ZNF385D: variants seen among roughly 807,000 people sequenced by gnomAD.
ZNF385D encodes zinc finger protein 659.
Under a neutral mutation model 35.8 loss-of-function variants are expected in ZNF385D, and 15 were observed. That is an observed-to-expected ratio of 0.42 (90% CI 0.28 to 0.64). The LOEUF (loss-of-function observed/expected upper bound fraction) is 0.64, where lower values mean the gene tolerates loss of function less well. Ranked by LOEUF, ZNF385D falls within the 30% of genes least tolerant of loss-of-function variation. The pLI, the probability that ZNF385D is intolerant of heterozygous loss-of-function variation, is 0.23. For synonymous variants in ZNF385D, 212 were observed against 186.8 expected, an observed-to-expected ratio of 1.13 and a Z score of -1.10; for missense variants, 474 against 494.6, an observed-to-expected ratio of 0.96 and a Z score of 0.39.
At chr3:21,699,633 A>G (rs991230274) in intron 1 of ZNF385D, among the ~76,000 whole-genome samples, 9 of 152,132 alleles carry the variant, frequency 5.9e-5, no homozygotes, top group Non-Finnish European at 1.0e-4. Context: ...CTTAGTATGA[A>G]AAAGGGAATA....
At chr3:21,979,253 G>C (rs570392343) in intron 3 of ZNF385D, among the ~76,000 whole-genome samples, 37 of 152,070 alleles carry the variant, frequency 2.4e-4, no homozygotes, top group Middle Eastern at 3.4e-3. Flanking sequence ...CCAAACAGAA[G>C]GGGGAAAAAA....
chr3:21,588,558 C>T (rs188055925), intron 2 of ZNF385D, among the ~76,000 whole-genome samples: 14 of 151,940 alleles, frequency 9.2e-5, no homozygotes, highest in Admixed American at 7.9e-4. Flanking sequence ...TATATAAAGA[C>T]ATTAAAGAAA....
intron 3 of ZNF385D, among the ~76,000 whole-genome samples, chr3:22,030,283 A>C (rs1435104446): frequency 2.0e-5 from 2 of 97,970 alleles, no homozygotes; most frequent in African/African-American, 8.0e-5. Flanking sequence ...ATATATATAT[A>C]TATATATATA....
At chr3:22,183,585 T>C (rs1695428772) in intron 2 of ZNF385D, among the ~76,000 whole-genome samples, 1 of 152,172 alleles carries the variant, frequency 6.6e-6, no homozygotes, top group African/African-American at 2.4e-5. Context: ...CTCAAACTCC[T>C]GACCTCGTGA....
intron 3 of ZNF385D, among the ~76,000 whole-genome samples, chr3:21,804,457 T>C (rs567666719): frequency 2.0e-4 from 30 of 152,288 alleles, no homozygotes; most frequent in African/African-American, 7.0e-4. Context: ...GTGCCTTGAC[T>C]TCTCCAGGGC....
intron 3 of ZNF385D, among the ~76,000 whole-genome samples, chr3:21,761,268 C>T (rs1327493946): frequency 6.6e-6 from 1 of 152,230 alleles, no homozygotes; most frequent in Non-Finnish European, 1.5e-5. Flanking sequence ...ATCAGCTGAG[C>T]AACTCCCAAA....
intron 2 of ZNF385D, among the ~76,000 whole-genome samples, chr3:21,594,102 G>T (rs1393374322): frequency 6.6e-6 from 1 of 152,196 alleles, no homozygotes; most frequent in Non-Finnish European, 1.5e-5. Flanking sequence ...AACTCTAGCA[G>T]ATAGGGCTCT....
chr3:22,089,629 C>A (rs552367542), intron 3 of ZNF385D, among the ~76,000 whole-genome samples: 3 of 152,266 alleles, frequency 2.0e-5, no homozygotes, highest in South Asian at 4.2e-4. Context: ...ATGGATGCAC[C>A]TTCCTCAGTG....
At chr3:22,251,333 C>A (rs1700054508) in intron 2 of ZNF385D, among the ~76,000 whole-genome samples, 1 of 152,100 alleles carries the variant, frequency 6.6e-6, no homozygotes, top group African/African-American at 2.4e-5. Flanking sequence ...CGTAAGCACT[C>A]CACCATCAGT....
chr3:21,855,863 GA>G (rs1481995199), intron 3 of ZNF385D, among the ~76,000 whole-genome samples: 1 of 144,014 alleles, frequency 6.9e-6, no homozygotes, highest in African/African-American at 2.5e-5. Context: ...AATATCCTAT[GA>G]TTTTTTTTTT....
intron 1 of ZNF385D, 140 bp downstream of exon 1, chr3:21,750,755 C>T (rs1224711107): frequency 5.1e-6 from 5 of 979,838 alleles, no homozygotes; most frequent in Non-Finnish European, 7.8e-6. Context: ...GAAGGCTGCA[C>T]CGGCTTGGTC....
At chr3:22,228,406 G>A (rs1027430160) in intron 2 of ZNF385D, among the ~76,000 whole-genome samples, 1 of 152,084 alleles carries the variant, frequency 6.6e-6, no homozygotes, top group Non-Finnish European at 1.5e-5. Context: ...CCCAAACTGA[G>A]GAAACCTGGA....
At chr3:21,656,658 C>T (rs1439590813) in intron 2 of ZNF385D, among the ~76,000 whole-genome samples, 2 of 151,778 alleles carry the variant, frequency 1.3e-5, no homozygotes, top group African/African-American at 4.8e-5. Flanking sequence ...CAATTCAACC[C>T]ATAATACTAT....
intron 3 of ZNF385D, among the ~76,000 whole-genome samples, chr3:22,059,577 T>C (rs1321310810): frequency 1.3e-5 from 2 of 152,326 alleles, no homozygotes; most frequent in South Asian, 2.1e-4. Context: ...GTGGAATGTA[T>C]ACAAAGTTGT....
At chr3:22,273,160 G>T (rs1175124675) in intron 2 of ZNF385D, among the ~76,000 whole-genome samples, 1 of 151,884 alleles carries the variant, frequency 6.6e-6, no homozygotes, top group African/African-American at 2.4e-5. Context: ...AGGTAAACAA[G>T]AATCTGCATA....
chr3:21,523,407 G>A (rs1487664596), intron 3 of ZNF385D, among the ~76,000 whole-genome samples: 1 of 152,134 alleles, frequency 6.6e-6, no homozygotes, highest in Non-Finnish European at 1.5e-5. Flanking sequence ...ATCCTTCAGA[G>A]GACATAAGAC....
chr3:22,304,854 T>C (rs1384499260), intron 2 of ZNF385D, among the ~76,000 whole-genome samples: 1 of 152,172 alleles, frequency 6.6e-6, no homozygotes, highest in African/African-American at 2.4e-5. Context: ...ATGTCTCCTT[T>C]AGCAGTTGCC....
rs1440226507 is a variant in ZNF385D, at chr3:22,097,903, G to A, written c.325+70914C>T. 2.6e-5 allele frequency among the ~76,000 whole-genome samples: 4 copies of A among 151,988 alleles called. No homozygotes were observed. In the East Asian group the frequency reaches 5.8e-4, roughly 22 times the overall value. ...GAGTAATAATACCCCTAGCCCATAA[G>A]AACCTAGAGACAGTGGCATTGTCAT... On this transcript the variant is annotated intron_variant, in intron 3 of 5. Transcript: ENST00000494108.
chr3:22,265,603 G>A (rs1001723762), intron 2 of ZNF385D, among the ~76,000 whole-genome samples: 5 of 151,902 alleles, frequency 3.3e-5, no homozygotes, highest in African/African-American at 7.2e-5. Flanking sequence ...TGTCACAGAA[G>A]GGAAGGACTA....
Sources: allele counts gnomAD v4.1 joint callset (sites outside exome capture counted in the v4.1 genomes callset), GRCh38; gene constraint gnomAD v4.1.1; transcripts MANE v1.5; gene names NCBI Gene and HGNC (gene_info 2026-07-23, HGNC 2026-07-21).